Variants in CNTN4 observed in about 807,000 individuals in gnomAD.
The protein encoded by CNTN4 is contactin 4, also known as contactin-4.
In CNTN4, 77 loss-of-function variants were observed where a neutral mutation model predicts 122.5. The ratio of observed to expected loss-of-function variants is 0.63; its 90% CI spans 0.52 to 0.76. The LOEUF (loss-of-function observed/expected upper bound fraction) is 0.76. Ranked by LOEUF, CNTN4 falls within the 30% of genes least tolerant of loss-of-function variation. The pLI, the probability that CNTN4 is intolerant of heterozygous loss-of-function variation, is 0.00. For synonymous variants in CNTN4, 512 were observed against 447.0 expected (o/e 1.15, Z -1.83); for missense variants, 1,256 against 1,259.1 (o/e 1.00, Z 0.04).
intron 6 of CNTN4, among the ~76,000 whole-genome samples, chr3:2,778,534 C>T (rs1031772142): frequency 2.6e-5 from 4 of 151,932 alleles, no homozygotes; most frequent in African/African-American, 9.7e-5. Context: ...ATTCCTATTG[C>T]TCTCACTCAT....
At chr3:2,737,785 G>A (rs2089223717) in intron 5 of CNTN4, among the ~76,000 whole-genome samples, 1 of 152,146 alleles carries the variant, frequency 6.6e-6, no homozygotes, top group Non-Finnish European at 1.5e-5. Flanking sequence ...ACATCTCCCA[G>A]AATAAACCTG....
intron 3 of CNTN4, among the ~76,000 whole-genome samples, chr3:2,373,498 G>T (rs2045707717): frequency 6.6e-6 from 1 of 152,164 alleles, no homozygotes; most frequent in East Asian, 1.9e-4. Flanking sequence ...CTCTTTAAAT[G>T]GATACATGAG....
chr3:2,481,079 CTCTTTCTCTCTTTCTTTCTT>C (rs2075989189), intron 3 of CNTN4, among the ~76,000 whole-genome samples: 2 of 53,532 alleles, frequency 3.7e-5, no homozygotes, highest in East Asian at 8.4e-4. Flanking sequence ...CTCTCTTTCT[CTCTTTCTCTCTTTCTTTCTT>C]TCTTTCTCTC....
chr3:2,277,835 A>G (rs562182053), intron 2 of CNTN4, among the ~76,000 whole-genome samples: 9 of 152,214 alleles, frequency 5.9e-5, no homozygotes, highest in Admixed American at 1.3e-4. Flanking sequence ...GTTCAGCACA[A>G]TGCTATTTAT....
At chr3:2,261,110 T>G (rs1266516937) in intron 2 of CNTN4, among the ~76,000 whole-genome samples, 1 of 152,192 alleles carries the variant, frequency 6.6e-6, no homozygotes, top group Non-Finnish European at 1.5e-5. Context: ...ATTGCAATTG[T>G]CAAAATAAAT....
chr3:2,791,526 C>G (rs2092009656), intron 6 of CNTN4, among the ~76,000 whole-genome samples: 1 of 123,872 alleles, frequency 8.1e-6, no homozygotes, highest in African/African-American at 2.9e-5. Flanking sequence ...GAGTGAGATC[C>G]TGTCTCAAAA....
At chr3:2,286,560 T>G (rs77348575) in intron 2 of CNTN4, among the ~76,000 whole-genome samples, 3,526 of 152,226 alleles carry the variant, frequency 0.023, 128 homozygotes, top group African/African-American at 0.081. Context: ...AAGTGGTGTT[T>G]AAGTCAGTTA....
rs769728277 is a variant in CNTN4 at position 2,745,636 on chromosome 3, G to C, written c.297G>C (p.Gln99His). The C allele has an allele frequency of 6.2e-7, 1 of 1,614,126 alleles. No individual in the cohort carries two copies. The highest frequency in any genetic ancestry group is 1.1e-5 in the South Asian group (1 of 91,082). Residue 99 changes from glutamine to histidine, a missense_variant, in exon 6 of 25, where the codon CAG becomes CAC. By Grantham distance (24) the Gln-to-His change is conservative (BLOSUM62 0). Coordinates refer to ENST00000418658, the MANE Select transcript of CNTN4 (RefSeq NM_175607.3). Reference protein sequence around the residue: ...PNKTQDAGTYQCTATNSFGTI... With the variant: ...PNKTQDAGTYHCTATNSFGTI... ...AAACCCAAGATGCTGGAACGTACCA[G>C]TGCACAGCGACAAACTCGTTTGGAA...
At chr3:2,322,914 C>T (rs1444023460) in intron 2 of CNTN4, among the ~76,000 whole-genome samples, 1 of 152,028 alleles carries the variant, frequency 6.6e-6, no homozygotes. Flanking sequence ...GGAAAAGTTG[C>T]TGTCTCAGAT....
chr3:2,450,702 C>A (rs755487703), intron 3 of CNTN4, among the ~76,000 whole-genome samples: 1 of 152,188 alleles, frequency 6.6e-6, no homozygotes, highest in African/African-American at 2.4e-5. Flanking sequence ...AATACAGGCT[C>A]CTTGCTAAAA....
chr3:2,425,084 A>G (rs2047770496), intron 3 of CNTN4, among the ~76,000 whole-genome samples: 1 of 152,074 alleles, frequency 6.6e-6, no homozygotes, highest in African/African-American at 2.4e-5. Flanking sequence ...ATTAGATCTC[A>G]TTTGTCCATT....
At chr3:2,682,621 A>G (rs565955077) in intron 4 of CNTN4, among the ~76,000 whole-genome samples, 1 of 152,270 alleles carries the variant, frequency 6.6e-6, no homozygotes, top group Admixed American at 6.5e-5. Context: ...TATAAAGTAT[A>G]TATAGAAAAT....
chr3:2,718,853 T>C (rs1387710619), intron 4 of CNTN4, among the ~76,000 whole-genome samples: 2 of 152,216 alleles, frequency 1.3e-5, no homozygotes, highest in Non-Finnish European at 2.9e-5. Context: ...TGTAGACATA[T>C]GCACATTCAT....
chr3:2,345,091 T>C (rs1009711409), intron 3 of CNTN4, among the ~76,000 whole-genome samples: 6 of 152,158 alleles, frequency 3.9e-5, no homozygotes, highest in African/African-American at 1.2e-4. Context: ...GAGAGAGGAG[T>C]ATTAACATGC....
At chr3:2,157,038 T>G (rs923399506) in intron 2 of CNTN4, among the ~76,000 whole-genome samples, 4 of 152,344 alleles carry the variant, frequency 2.6e-5, no homozygotes, top group South Asian at 2.1e-4. Context: ...TTCCGTTTCG[T>G]TGGTTTACCA....
chr3:2,460,576 T>G (rs2049167641), intron 3 of CNTN4, among the ~76,000 whole-genome samples: 1 of 152,166 alleles, frequency 6.6e-6, no homozygotes, highest in South Asian at 2.1e-4. Flanking sequence ...TCCTCTTCAC[T>G]TCCTTGATGT....
At chr3:2,857,564 A>T (rs371578471) in intron 7 of CNTN4, among the ~76,000 whole-genome samples, 5 of 152,094 alleles carry the variant, frequency 3.3e-5, no homozygotes, top group East Asian at 3.9e-4. Context: ...CACTGAACAG[A>T]CTGGGCCATC....
chr3:2,888,946 C>A (rs1468266576), intron 10 of CNTN4, among the ~76,000 whole-genome samples: 1 of 151,750 alleles, frequency 6.6e-6, no homozygotes, highest in African/African-American at 2.4e-5. Context: ...GGAGGCTACG[C>A]TTCCTAGCCT....
At chr3:2,909,375 A>G in intron 12 of CNTN4, among the ~76,000 whole-genome samples, 1 of 152,128 alleles carries the variant, frequency 6.6e-6, no homozygotes, top group Non-Finnish European at 1.5e-5. Flanking sequence ...TTACACGTGA[A>G]AGCCTTTGCA....
Sources: gnomAD v4.1 joint callset for allele counts (sites outside exome capture counted in the v4.1 genomes callset) on GRCh38, gnomAD v4.1.1 for gene constraint, MANE v1.5 for transcripts, NCBI Gene and HGNC (gene_info 2026-07-23, HGNC 2026-07-21) for gene names.